CCDC13: variants seen among roughly 807,000 people sequenced by gnomAD.
The protein encoded by CCDC13 is coiled-coil domain-containing protein 13.
Under a neutral mutation model 87.3 loss-of-function variants are expected in CCDC13, and 70 were observed. The ratio of observed to expected loss-of-function variants is 0.80; its 90% CI spans 0.66 to 0.98. The LOEUF (loss-of-function observed/expected upper bound fraction) is 0.98, where lower values mean the gene tolerates loss of function less well. CCDC13 is among the 50% of genes least tolerant of loss of function. The pLI is 0.00. For missense variants in CCDC13, 842 were observed against 892.0 expected (o/e 0.94, Z 0.71); for synonymous variants, 317 against 360.3 (o/e 0.88, Z 1.36).
At chr3:42,738,569 T>C (rs1343543263) in intron 9 of CCDC13, among the ~76,000 whole-genome samples, 1 of 152,234 alleles carries the variant, frequency 6.6e-6, no homozygotes, top group Non-Finnish European at 1.5e-5. Flanking sequence ...CATTTGTTTG[T>C]GTCCTCTTTT....
intron 12 of CCDC13, 99 bp from the exon 13 acceptor site, chr3:42,730,688 C>T (rs10865921): frequency 0.28 from 418,084 of 1,480,692 alleles, 59,661 homozygotes; most frequent in East Asian, 0.37. Context: ...ACATTCAGGG[C>T]GAATGTCAGC....
intron 6 of CCDC13, 197 bp from the exon 7 acceptor site, chr3:42,746,224 C>G (rs1559653612): frequency 1.8e-6 from 1 of 556,936 alleles, no homozygotes; most frequent in Non-Finnish European, 3.2e-6. Context: ...AACCCATCAT[C>G]CCTGGCATTT....
intron 1 of CCDC13, among the ~76,000 whole-genome samples, chr3:42,765,415 A>AT (rs1442333965): frequency 6.6e-6 from 1 of 151,812 alleles, no homozygotes; most frequent in Non-Finnish European, 1.5e-5. Context: ...TTTTATTTTT[A>AT]TTTTTTTGAG....
intron 2 of CCDC13, 78 bp downstream of exon 2, chr3:42,758,047 C>CTA: frequency 8.1e-7 from 1 of 1,233,524 alleles, no homozygotes; most frequent in Non-Finnish European, 1.1e-6. Flanking sequence ...ACAAGTTTTG[C>CTA]TATAGCTCCG....
chr3:42,754,317 C>G (rs1028438640), intron 3 of CCDC13, among the ~76,000 whole-genome samples: 1 of 152,086 alleles, frequency 6.6e-6, no homozygotes, highest in African/African-American at 2.4e-5. Context: ...CTGAAGAAGA[C>G]AAGGACACAC....
chr3:42,735,912 T>C lies in CCDC13; in HGVS notation c.1166A>G (p.Asp389Gly). Residue 389 changes from aspartate (D) to glycine (G), a missense_variant and splice_region_variant, in exon 10 of 16, where the codon GAC becomes GGC. Transcript: ENST00000310232. ...GATCTCCTGTAGCTGCTTCAGCTGG[T>C]CCTGGGGGGCCAGGCAGGAGGGCAG... ...HDDELIDALM[D>G]QLKQLQEILG... 2 of 1,612,920 alleles carry C rather than the reference T, an allele frequency of 1.2e-6. No homozygotes were observed. Among genetic ancestry groups the C allele is most frequent in the Non-Finnish European group, 1.7e-6 (2 of 1,179,548 alleles).
Position 42,743,027 on chromosome 3 carries a change from C to A in CCDC13, c.856G>T (p.Ala286Ser). Residue 286 changes from alanine (A) to serine (S), a missense_variant, in exon 8 of 16, where the codon GCC becomes TCC. Transcript: ENST00000310232. ...VQELEKQLGQ[A>S]RSQSAGTASD... The stretch of plus-strand genomic sequence containing the variant: ...GCTGTTCCCGCAGACTGGCTCCGGG[C>A]CTGGCCCAATTGCTTCTCAAGCTCT... The A allele has an allele frequency of 6.2e-7, 1 of 1,614,120 alleles. No individual in the cohort carries two copies. Among genetic ancestry groups the A allele is most frequent in the African/African-American group, 1.3e-5 (1 of 75,042 alleles).
intron 1 of CCDC13, among the ~76,000 whole-genome samples, chr3:42,760,602 G>T (rs1202212113): frequency 1.3e-5 from 2 of 151,956 alleles, no homozygotes; most frequent in Admixed American, 6.6e-5. Flanking sequence ...GGGCGAGGTT[G>T]CAGTGAGCCA....
chr3:42,731,418 G>C (rs905727293), intron 12 of CCDC13, among the ~76,000 whole-genome samples: 4 of 151,984 alleles, frequency 2.6e-5, no homozygotes, highest in African/African-American at 9.7e-5. Context: ...GATGGGCTCC[G>C]AGAACTGCAG....
intron 6 of CCDC13, chr3:42,747,037 G>A (rs1699421056): frequency 6.2e-6 from 4 of 645,586 alleles, no homozygotes; most frequent in Non-Finnish European, 1.1e-5. Flanking sequence ...GCGGGGGTGG[G>A]GGTGGCAGGC....
At chr3:42,731,398 G>A (rs868612700) in intron 12 of CCDC13, among the ~76,000 whole-genome samples, 1 of 151,646 alleles carries the variant, frequency 6.6e-6, no homozygotes, top group African/African-American at 2.4e-5. Flanking sequence ...ACATTGAGAG[G>A]GGTGGTTTAG....
intron 13 of CCDC13, among the ~76,000 whole-genome samples, chr3:42,715,891 C>G (rs1414794801): frequency 6.6e-6 from 1 of 152,202 alleles, no homozygotes; most frequent in Non-Finnish European, 1.5e-5. Flanking sequence ...TTGTCAGACG[C>G]TGGCACCTTG....
intron 3 of CCDC13, among the ~76,000 whole-genome samples, chr3:42,753,733 C>A (rs1301649374): frequency 6.6e-6 from 1 of 152,052 alleles, no homozygotes; most frequent in Non-Finnish European, 1.5e-5. Flanking sequence ...AGGGCTCAAA[C>A]CATGAAGAGT....
chr3:42,732,073 G>T (rs573277862), intron 12 of CCDC13, among the ~76,000 whole-genome samples: 1 of 152,194 alleles, frequency 6.6e-6, no homozygotes, highest in Non-Finnish European at 1.5e-5. Context: ...CAATCTCCCT[G>T]TGCTGTGACA....
intron 13 of CCDC13, among the ~76,000 whole-genome samples, chr3:42,729,068 T>C (rs1698758219): frequency 6.6e-6 from 1 of 152,146 alleles, no homozygotes; most frequent in Admixed American, 6.5e-5. Flanking sequence ...TGACATTATG[T>C]GGGGTAGAAT....
At chr3:42,731,493 G>A (rs891423403) in intron 12 of CCDC13, among the ~76,000 whole-genome samples, 1 of 152,020 alleles carries the variant, frequency 6.6e-6, no homozygotes, top group African/African-American at 2.4e-5. Context: ...TGAATCGGTG[G>A]CTCTGGCATC....
At chr3:42,745,335 A>T (rs1466121443) in intron 7 of CCDC13, 1 of 152,426 alleles carries the variant, frequency 6.6e-6, no homozygotes, top group Non-Finnish European at 1.5e-5. Context: ...CCTGTGGGGT[A>T]GGCATCGTTA....
intron 14 of CCDC13, among the ~76,000 whole-genome samples, chr3:42,712,201 G>A (rs1349390507): frequency 6.6e-6 from 1 of 152,058 alleles, no homozygotes; most frequent in Non-Finnish European, 1.5e-5. Context: ...CTGGGGAGGG[G>A]TTGGGGGGCT....
chr3:42,747,190 C>A lies in CCDC13; in HGVS notation c.720+67G>T, dbSNP rs750123351. On this transcript the variant is annotated intron_variant, in intron 6 of 15. Transcript: ENST00000310232. ...TGGCTCCAGAAAGGAATCCACTGTG[C>A]CAGCCGTGCTCTTCCCAAGTCCAGC... 18 of 1,180,116 alleles carry A rather than the reference C, an allele frequency of 1.5e-5. No individual in the cohort carries two copies. In the East Asian group the frequency reaches 4.2e-4, roughly 28 times the overall value. The allele number at this position is 1,180,116 out of a possible 1,614,324, so 73.1% of individuals were successfully genotyped here.
Sources: gnomAD v4.1 joint callset for allele counts (sites outside exome capture counted in the v4.1 genomes callset) on GRCh38, gnomAD v4.1.1 for gene constraint, MANE v1.5 for transcripts, NCBI Gene and HGNC (gene_info 2026-07-23, HGNC 2026-07-21) for gene names.